The following RETREG1 variants were observed in gnomAD, a reference collection of about 807,000 sequenced individuals.
RETREG1 encodes the protein reticulophagy regulator 1.
RETREG1 carries 44 observed loss-of-function variants against 54.8 expected under a neutral mutation model. The observed-to-expected ratio is 0.80, with a 90% CI of 0.63 to 1.03. RETREG1 has a LOEUF of 1.03. Ranked by LOEUF, RETREG1 falls within the 50% of genes least tolerant of loss-of-function variation. RETREG1 has a pLI of 0.00. For synonymous variants in RETREG1, 217 were observed against 238.5 expected (o/e 0.91, Z 0.83); for missense variants, 554 against 605.1 (o/e 0.92, Z 0.89).
intron 6 of RETREG1, 150 bp from the exon 7 acceptor site, chr5:16,478,248 T>C: frequency 1.6e-6 from 1 of 630,562 alleles, no homozygotes; most frequent in Non-Finnish European, 2.8e-6. Context: ...TATAATTAAA[T>C]GTTTGCACAT....
At chr5:16,498,827 G>A (rs1739578025) in intron 3 of RETREG1, among the ~76,000 whole-genome samples, 1 of 152,234 alleles carries the variant, frequency 6.6e-6, no homozygotes, top group African/African-American at 2.4e-5. Context: ...TGAAGGCCTA[G>A]GACATTACTG....
rs148113782 is a variant in RETREG1, at chr5:16,561,981, G to A, written c.458+3782C>T. 8.9e-4 allele frequency among the ~76,000 whole-genome samples: 136 copies of A among 152,256 alleles called. No individual in the cohort carries two copies. The highest frequency in any genetic ancestry group is 3.0e-3 in the African/African-American group (123 of 41,554). ...CAACCACAGTTAGAGAGAAAGCCTC[G>A]ATTTCCTTGCCTGACAAATGAGGTA... is the stretch of plus-strand genomic sequence containing the variant. On this transcript the variant is annotated intron_variant, in intron 3 of 8. Transcript: ENST00000306320. This position sits in a 1 kb window ranked among gnomAD's most constrained non-coding sequence, Gnocchi z 4.2.
chr5:16,609,163 T>C (rs995243642), intron 1 of RETREG1, among the ~76,000 whole-genome samples: 1 of 152,202 alleles, frequency 6.6e-6, no homozygotes, highest in Non-Finnish European at 1.5e-5. Context: ...ACTATGTCCA[T>C]CACTACAAAC....
chr5:16,537,251 G>A (rs1230825871), intron 3 of RETREG1, among the ~76,000 whole-genome samples: 1 of 152,224 alleles, frequency 6.6e-6, no homozygotes, highest in Non-Finnish European at 1.5e-5. Flanking sequence ...ATGAGGCTTT[G>A]AGGGTAACTT....
chr5:16,489,155 A>G (rs1184911035), intron 3 of RETREG1, among the ~76,000 whole-genome samples: 1 of 149,932 alleles, frequency 6.7e-6, no homozygotes, highest in African/African-American at 2.4e-5. Flanking sequence ...AAGTGATTCA[A>G]CCGCCAACTG....
In RETREG1 at chr5:16,554,281, G is replaced by A. The variant is rs1011787253; in HGVS notation, c.458+11482C>T. 2.3e-4 allele frequency among the ~76,000 whole-genome samples: 35 copies of A among 152,156 alleles called. 1 individual carries two copies. Among genetic ancestry groups the A allele is most frequent in the Admixed American group, 2.2e-3 (33 of 15,266 alleles). On this transcript the variant is annotated intron_variant, in intron 3 of 8. Coordinates refer to ENST00000306320, the MANE Select transcript of RETREG1 (RefSeq NM_001034850.3). ...GGCTGGAACCTCTCCGTTGAGCCTC[G>A]CTTGTTTCTCTGGACTTTGTCCCTG...
At chr5:16,564,527 C>T (rs988948844) in intron 3 of RETREG1, among the ~76,000 whole-genome samples, 1 of 152,128 alleles carries the variant, frequency 6.6e-6, no homozygotes, top group Admixed American at 6.5e-5. Context: ...CTTGACATTC[C>T]CACAAGCAAG....
intron 1 of RETREG1, among the ~76,000 whole-genome samples, chr5:16,596,403 T>A (rs1008128777): frequency 6.6e-6 from 1 of 152,148 alleles, no homozygotes; most frequent in Admixed American, 6.5e-5. Context: ...GCAAAACACA[T>A]GCAAAAGCTG....
chr5:16,489,581 A>C lies in RETREG1; in HGVS notation c.459-6109T>G, dbSNP rs553260746. Among the ~76,000 whole-genome samples, 5 of 152,390 alleles carry C rather than the reference A, an allele frequency of 3.3e-5. No homozygotes were observed. In the South Asian group the frequency reaches 1.0e-3, roughly 32 times the overall value. ...ATGCTGCAACAAAATGAATCTTGGC[A>C]TAGAAGAAATACTATCTCATTATCA... On this transcript the variant is annotated intron_variant, in intron 3 of 8. Coordinates refer to ENST00000306320, the MANE Select transcript of RETREG1 (RefSeq NM_001034850.3).
intron 1 of RETREG1, among the ~76,000 whole-genome samples, chr5:16,573,742 GTTTTTTT>G (rs34651832): frequency 7.9e-6 from 1 of 126,470 alleles, no homozygotes; most frequent in African/African-American, 2.9e-5. Flanking sequence ...TTTGTTTTTT[GTTTTTTT>G]TTTTTTTTTT....
intron 1 of RETREG1, among the ~76,000 whole-genome samples, chr5:16,579,271 T>C (rs1340827038): frequency 6.6e-6 from 1 of 152,116 alleles, no homozygotes; most frequent in Non-Finnish European, 1.5e-5. Flanking sequence ...AAACCTATTT[T>C]ACAGAAGAGC....
intron 1 of RETREG1, among the ~76,000 whole-genome samples, chr5:16,589,869 T>C (rs2126338291): frequency 6.6e-6 from 1 of 152,330 alleles, no homozygotes; most frequent in Admixed American, 6.5e-5. Context: ...ACCTTCCAGT[T>C]GAACTTTGAT....
At chr5:16,521,466 C>T (rs149263) in intron 3 of RETREG1, among the ~76,000 whole-genome samples, 40,744 of 152,110 alleles carry the variant, frequency 0.27, 5,724 homozygotes, top group East Asian at 0.4. Flanking sequence ...GGCAAAGTTC[C>T]TTGACAGAGA....
Position 16,477,551 on chromosome 5 carries a change from T to A in RETREG1, c.1000+111A>T, listed in dbSNP as rs1738586592. The A allele has an allele frequency of 4.9e-6, 5 of 1,023,674 alleles. No individual in the cohort carries two copies. The South Asian group carries it at 6.8e-5, about 14-fold the overall frequency. The allele number at this position is 1,023,674 out of a possible 1,614,324, so 63.4% of individuals were successfully genotyped here. ...TCATTTTTATAGCCAAGTAATATTC[T>A]ACTGTGTAGATATGGTGGTAACATG... On this transcript the variant is annotated intron_variant, in intron 8 of 8. Transcript: ENST00000306320.
intron 4 of RETREG1, 103 bp downstream of exon 4, chr5:16,483,243 T>C (rs1177247680): frequency 3.8e-6 from 5 of 1,318,544 alleles, no homozygotes; most frequent in Non-Finnish European, 4.4e-6. Context: ...TAGTATATTA[T>C]ATTTAAAATT....
chr5:16,540,004 A>C lies in RETREG1; in HGVS notation c.458+25759T>G, dbSNP rs568895994. 2.6e-5 allele frequency among the ~76,000 whole-genome samples: 4 copies of C among 152,324 alleles called. No homozygotes were observed. The East Asian group carries it at 7.7e-4, about 29-fold the overall frequency. On this transcript the variant is annotated intron_variant, in intron 3 of 8. Transcript: ENST00000306320. ...GTTAAAATAATCCTCTAAAATATAA[A>C]GCTTACTATGATTTTATTTATATTC...
At chr5:16,479,068 C>T in intron 5 of RETREG1, 81 bp from the exon 6 acceptor site, 5 of 1,343,726 alleles carry the variant, frequency 3.7e-6, no homozygotes, top group Non-Finnish European at 5.2e-6. Context: ...CAAAATACTA[C>T]ATTTCTTTAC....
At chr5:16,591,105 C>T (rs957371571) in intron 1 of RETREG1, among the ~76,000 whole-genome samples, 4 of 151,856 alleles carry the variant, frequency 2.6e-5, no homozygotes, top group African/African-American at 4.8e-5. Context: ...GAAAATAAAC[C>T]GAGGAAAAGG....
intron 1 of RETREG1, among the ~76,000 whole-genome samples, chr5:16,575,811 T>C (rs1168384679): frequency 6.6e-6 from 1 of 152,252 alleles, no homozygotes; most frequent in Non-Finnish European, 1.5e-5. Flanking sequence ...TAGTGTCATA[T>C]AAACATGTTT....
Sources: gnomAD v4.1 joint callset for allele counts (sites outside exome capture counted in the v4.1 genomes callset) on GRCh38, gnomAD v4.1.1 for gene constraint, Gnocchi (gnomAD v3.1) non-coding constraint, MANE v1.5 for transcripts, NCBI Gene and HGNC (gene_info 2026-07-23, HGNC 2026-07-21) for gene names.